The following TPGS1 variants were observed in gnomAD, a reference collection of about 807,000 sequenced individuals.
The protein encoded by TPGS1 is gene trap ROSA b-geo 22.
TPGS1 carries 18 observed loss-of-function variants against 11.9 expected under a neutral mutation model. The ratio of observed to expected loss-of-function variants is 1.51; its 90% CI spans 1.04 to 2.24. The LOEUF (loss-of-function observed/expected upper bound fraction) is 2.24, where lower values mean the gene tolerates loss of function less well. Ranked by LOEUF, TPGS1 falls within the 30% of genes most tolerant of loss-of-function variation. TPGS1 has a pLI of 0.00. For synonymous variants in TPGS1, 247 were observed against 218.2 expected, an observed-to-expected ratio of 1.13 and a Z score of -1.16; for missense variants, 500 against 443.0, an observed-to-expected ratio of 1.13 and a Z score of -1.16.
Position 507,731 on chromosome 19 carries a change from C to A in TPGS1, c.225C>A (p.Gly75=). 7.2e-7 allele frequency: 1 copy of A among 1,397,392 alleles called. No individual in the cohort carries two copies. The highest frequency in any genetic ancestry group is 9.3e-7 in the Non-Finnish European group (1 of 1,073,116). 86.6% of individuals were successfully genotyped at this position (1,397,392 alleles called of 1,614,324 possible). The change falls in exon 1 of 2, where the codon GGC becomes GGA. Residue 75 remains glycine (G), a synonymous_variant. Transcript: ENST00000359315. ...AFLAHYFENM[G]LRSPVNGGAG... ...TGGCTCACTACTTCGAGAACATGGG[C>A]CTGCGCTCGCCTGTAAACGGCGGCG...
At chr19:518,694 C>T (rs1454502404) in intron 1 of TPGS1, among the ~76,000 whole-genome samples, 195 bp from the exon 2 acceptor site, 1 of 115,382 alleles carries the variant, frequency 8.7e-6, no homozygotes, top group Non-Finnish European at 1.8e-5. Context: ...AGAAGGGAGG[C>T]GGGGGCTCAA....
chr19:513,643 T>G (rs1978866772), intron 1 of TPGS1, among the ~76,000 whole-genome samples: 1 of 89,568 alleles, frequency 1.1e-5, no homozygotes, highest in Non-Finnish European at 2.7e-5. Flanking sequence ...CAGCCCAGCA[T>G]TACTGAGCAC....
intron 1 of TPGS1, 97 bp downstream of exon 1, chr19:507,941 C>T (rs1446334426): frequency 1.0e-6 from 1 of 1,002,552 alleles, no homozygotes; most frequent in Non-Finnish European, 1.3e-6. Context: ...GGCGCAGGGG[C>T]CCGGGGCTTG....
At chr19:510,823 TGGGCCA>T (rs934089613) in intron 1 of TPGS1, among the ~76,000 whole-genome samples, 2 of 152,220 alleles carry the variant, frequency 1.3e-5, no homozygotes, top group African/African-American at 4.8e-5. Flanking sequence ...CCAGCTGATC[TGGGCCA>T]GGGTTCCCCC....
chr19:507,720 G>A lies in TPGS1; in HGVS notation c.214G>A (p.Glu72Lys), dbSNP rs1978662935. 1.4e-6 allele frequency: 2 copies of A among 1,401,886 alleles called. No individual in the cohort carries two copies. The highest frequency in any genetic ancestry group is 1.6e-5 in the South Asian group (1 of 64,184). The allele number at this position is 1,401,886 out of a possible 1,614,324, so 86.8% of individuals were successfully genotyped here. ...GATCGCCTTCCTGGCTCACTACTTC[G>A]AGAACATGGGCCTGCGCTCGCCTGT... Reference protein sequence around the residue: ...EPIAFLAHYFENMGLRSPVNG... With the variant: ...EPIAFLAHYFKNMGLRSPVNG... Residue 72 changes from glutamate (E) to lysine (K), a missense_variant, in exon 1 of 2, where the codon GAG becomes AAG. By Grantham distance (56) the Glu-to-Lys change is moderately conservative. Coordinates refer to ENST00000359315, the MANE Select transcript of TPGS1 (RefSeq NM_033513.3).
At chr19:516,488 G>A (rs533036156) in intron 1 of TPGS1, among the ~76,000 whole-genome samples, 52 of 151,796 alleles carry the variant, frequency 3.4e-4, no homozygotes, top group Non-Finnish European at 5.4e-4. Context: ...AGGTTCAAGC[G>A]ATTCTCCTGC....
At chr19:513,226 G>A (rs990306329) in intron 1 of TPGS1, among the ~76,000 whole-genome samples, 1 of 152,210 alleles carries the variant, frequency 6.6e-6, no homozygotes, top group African/African-American at 2.4e-5. Context: ...AGCTCGGGCC[G>A]CCGCGCTGAC....
intron 1 of TPGS1, chr19:508,223 A>G: frequency 5.3e-6 from 1 of 189,918 alleles, no homozygotes; most frequent in Non-Finnish European, 1.1e-5. Context: ...TAGCAGCCTC[A>G]TGTTATCCCC....
At chr19:509,724 C>T (rs147136311) in intron 1 of TPGS1, 21 of 152,586 alleles carry the variant, frequency 1.4e-4, no homozygotes, top group African/African-American at 5.0e-4. Context: ...CCGCCTACAT[C>T]TGCAAAGCTG....
chr19:511,270 T>TTCTGC (rs1297748364), intron 1 of TPGS1, among the ~76,000 whole-genome samples: 1 of 152,186 alleles, frequency 6.6e-6, no homozygotes, highest in East Asian at 1.9e-4. Flanking sequence ...CACCCGATGA[T>TTCTGC]TCTGCTGGGA....
rs369162026 is a variant in TPGS1 at position 518,645 on chromosome 19, G to A, written c.339-244G>A. The stretch of plus-strand genomic sequence containing the variant: ...GGGATGCTTGGGGGAGGAGAGGCCC[G>A]GGCTGGGGATGCTGCGGGGAGGAGA... On this transcript the variant is annotated intron_variant, in intron 1 of 1. Transcript: ENST00000359315. Among the ~76,000 whole-genome samples, 187 of 138,690 alleles carry A rather than the reference G, an allele frequency of 1.3e-3. 4 individuals carry two copies. The East Asian group carries it at 0.037, about 28-fold the overall frequency. 91.0% of individuals were successfully genotyped at this position (138,690 alleles called of 152,430 possible).
rs902246373 is a variant in TPGS1, at chr19:518,748, G to A, written c.339-141G>A. On this transcript the variant is annotated intron_variant, in intron 1 of 1. Transcript: ENST00000359315. ...AGAGGGTGAGGAGGAGGGGAGGCCG[G>A]GGATGGGGGGTAGGAGGAGAGGGGA... The A allele has an allele frequency of 6.0e-5, 54 of 904,594 alleles. No homozygotes were observed. The Middle Eastern group carries it at 1.0e-3, about 18-fold the overall frequency. The allele number at this position is 904,594 out of a possible 1,614,324, so 56.0% of individuals were successfully genotyped here.
chr19:517,869 G>A (rs1158101022), intron 1 of TPGS1, among the ~76,000 whole-genome samples: 4 of 108,082 alleles, frequency 3.7e-5, no homozygotes, highest in African/African-American at 3.7e-5. Flanking sequence ...GCTGGGAGGA[G>A]GGAGGCCAGG....
chr19:513,292 C>T (rs567220620), intron 1 of TPGS1, among the ~76,000 whole-genome samples: 32 of 152,314 alleles, frequency 2.1e-4, no homozygotes, highest in African/African-American at 7.5e-4. Context: ...TAAAAGCGCC[C>T]AGCGGATTAT....
At chr19:513,544 C>A (rs1978861778) in intron 1 of TPGS1, among the ~76,000 whole-genome samples, 1 of 152,122 alleles carries the variant, frequency 6.6e-6, no homozygotes, top group Admixed American at 6.5e-5. Flanking sequence ...ACCGGCCCAG[C>A]ATTACTGAGC....
chr19:512,730 G>C (rs1978836029), intron 1 of TPGS1, among the ~76,000 whole-genome samples: 1 of 152,274 alleles, frequency 6.6e-6, no homozygotes, highest in Non-Finnish European at 1.5e-5. Flanking sequence ...CGGCTCCCGG[G>C]GTTCACGGCC....
Position 508,097 on chromosome 19 carries a change from T to C in TPGS1, c.338+253T>C, listed in dbSNP as rs1279337948. The C allele has an allele frequency of 7.9e-6, 3 of 379,566 alleles. 1 individual carries two copies. Among genetic ancestry groups the C allele is most frequent in the Non-Finnish European group, 1.4e-5 (3 of 213,880 alleles). The allele number at this position is 379,566 out of a possible 1,614,324, so 23.5% of individuals were successfully genotyped here. A position where few individuals can be genotyped will look rare whatever the true frequency, so the allele number is the denominator to read the frequency against. On this transcript the variant is annotated intron_variant, in intron 1 of 1. Coordinates refer to ENST00000359315, the MANE Select transcript of TPGS1 (RefSeq NM_033513.3). Reference sequence around the variant, plus strand: ...CGGCTTCGCCTTCTGTGATGCCTTTTTGCAGGTGCTGAGTTTCCCCTTGCA... The same window carrying C: ...CGGCTTCGCCTTCTGTGATGCCTTTCTGCAGGTGCTGAGTTTCCCCTTGCA...
chr19:511,865 C>T (rs1820653285), intron 1 of TPGS1, among the ~76,000 whole-genome samples: 1 of 144,526 alleles, frequency 6.9e-6, no homozygotes, highest in Non-Finnish European at 1.5e-5. Flanking sequence ...AGGGGACGTC[C>T]AGTTGTTTTT....
At chr19:510,354 C>A (rs1177520762) in intron 1 of TPGS1, 1 of 150,304 alleles carries the variant, frequency 6.7e-6, no homozygotes, top group Non-Finnish European at 1.5e-5. Flanking sequence ...GCCTGGGCGA[C>A]AGAGCGAGAC....
Sources: gnomAD v4.1 joint callset for allele counts (sites outside exome capture counted in the v4.1 genomes callset) on GRCh38, gnomAD v4.1.1 for gene constraint, MANE v1.5 for transcripts, NCBI Gene and HGNC (gene_info 2026-07-23, HGNC 2026-07-21) for gene names.